SLC20A2: variants seen among roughly 807,000 people sequenced by gnomAD.
SLC20A2 encodes the protein sodium-dependent phosphate transporter 2.
A neutral mutation model predicts 61.0 loss-of-function variants in SLC20A2; 30 were observed. The ratio of observed to expected loss-of-function variants is 0.49; its 90% CI spans 0.37 to 0.67. The LOEUF (loss-of-function observed/expected upper bound fraction) is 0.67, where lower values mean the gene tolerates loss of function less well. Among genes scored for constraint, SLC20A2 ranks in the 30% least tolerant of loss-of-function variants. The pLI, the probability that SLC20A2 is intolerant of heterozygous loss-of-function variation, is 0.00. For synonymous variants in SLC20A2, 351 were observed against 353.3 expected, an observed-to-expected ratio of 0.99 and a Z score of 0.07; for missense variants, 626 against 866.4, an observed-to-expected ratio of 0.72 and a Z score of 3.48.
intron 1 of SLC20A2, among the ~76,000 whole-genome samples, chr8:42,506,836 T>C (rs4568607): frequency 0.51 from 78,263 of 152,046 alleles, 20,208 homozygotes; most frequent in Admixed American, 0.57. Flanking sequence ...AGTCCCTTCC[T>C]GCACTGACTC....
intron 1 of SLC20A2, among the ~76,000 whole-genome samples, chr8:42,478,554 C>T (rs145987208): frequency 1.8e-3 from 267 of 152,180 alleles, no homozygotes; most frequent in African/African-American, 6.2e-3. Flanking sequence ...ACTTGCCACA[C>T]GACCCAGCAG....
At chr8:42,431,325 C>T (rs191391050) in intron 8 of SLC20A2, among the ~76,000 whole-genome samples, 25 of 151,826 alleles carry the variant, frequency 1.6e-4, no homozygotes, top group African/African-American at 3.4e-4. Flanking sequence ...TCAAACCAGC[C>T]ACAACATTCC....
At position 42,472,301 on chromosome 8, in the gene SLC20A2, G is replaced by A; in HGVS notation, c.90C>T (p.Ala30=). Residue 30 remains alanine, a synonymous_variant, in exon 2 of 11, where the codon GCC becomes GCT. Coordinates refer to ENST00000520262, the MANE Select transcript of SLC20A2 (RefSeq NM_001257180.2). The surrounding 1 kb of genome is among the most constrained non-coding windows in gnomAD (Gnocchi z 4.1). The part of the protein sequence containing the change: ...LAFSVGANDV[A]NSFGTAVGSG... ...AGCCCACGGCTGTACCAAAGGAGTT[G>A]GCAACATCGTTTGCACCAACAGAAA... 1.2e-6 allele frequency: 2 copies of A among 1,614,150 alleles called. No homozygotes were observed. Among genetic ancestry groups the A allele is most frequent in the Non-Finnish European group, 1.7e-6 (2 of 1,180,032 alleles).
At chr8:42,423,026 T>C (rs1023476527) in intron 10 of SLC20A2, among the ~76,000 whole-genome samples, 1 of 152,200 alleles carries the variant, frequency 6.6e-6, no homozygotes, top group Non-Finnish European at 1.5e-5. Context: ...AATCCTAATT[T>C]TAATACTTGG....
rs1029571085 is a variant in SLC20A2 at position 42,494,518 on chromosome 8, C to A, written c.-265+6513G>T. On this transcript the variant is annotated intron_variant, in intron 1 of 10. Coordinates refer to ENST00000520262, the MANE Select transcript of SLC20A2 (RefSeq NM_001257180.2). ...TATTGCTCATAATAAATGCAGCATT[C>A]TTTTCTCAGGTACATACATAGGTGT... is the stretch of plus-strand genomic sequence containing the variant. Among the ~76,000 whole-genome samples, 6 of 152,184 alleles carry A rather than the reference C, an allele frequency of 3.9e-5. No homozygotes were observed. The East Asian group carries it at 5.8e-4, about 15-fold the overall frequency.
chr8:42,457,015 C>CTGGGTT (rs1806268068), intron 5 of SLC20A2, among the ~76,000 whole-genome samples: 1 of 151,890 alleles, frequency 6.6e-6, no homozygotes, highest in Non-Finnish European at 1.5e-5. Flanking sequence ...TCTCCACCTC[C>CTGGGTT]CAGGTTCAAG....
intron 1 of SLC20A2, among the ~76,000 whole-genome samples, chr8:42,518,099 C>A (rs995678356): frequency 3.3e-5 from 5 of 152,160 alleles, no homozygotes; most frequent in Non-Finnish European, 5.9e-5. Context: ...TGCCACCACG[C>A]CCAGCTAATT....
chr8:42,491,237 G>A (rs905301963), intron 1 of SLC20A2, among the ~76,000 whole-genome samples: 1 of 151,974 alleles, frequency 6.6e-6, no homozygotes. Flanking sequence ...AAAATTGGCC[G>A]GGTATGGTGA....
chr8:42,444,820 C>CA lies in SLC20A2; in HGVS notation c.614-59dup. On this transcript the variant is annotated intron_variant, in intron 5 of 10. Coordinates refer to ENST00000520262, the MANE Select transcript of SLC20A2 (RefSeq NM_001257180.2). The stretch of plus-strand genomic sequence containing the variant: ...TGGAAACTTCTGCAAGGTCAGGCCT[C>CA]AGGGCGGTGGACTTCCCACTCCCCA... 2.3e-6 allele frequency: 3 copies of CA among 1,324,590 alleles called. No individual in the cohort carries two copies. In the South Asian group the frequency reaches 3.6e-5, roughly 16 times the overall value. 82.1% of individuals were successfully genotyped at this position (1,324,590 alleles called of 1,614,324 possible).
chr8:42,522,313 A>G lies in SLC20A2; in HGVS notation c.-265+19508T>C, dbSNP rs1811642745. Reference sequence around the variant, plus strand: ...GATGGAGAAGACAAGAAATTCATTCAACTTCAGCTGGTAAATAGCCAAGGT... The same window carrying G: ...GATGGAGAAGACAAGAAATTCATTCGACTTCAGCTGGTAAATAGCCAAGGT... On this transcript the variant is annotated intron_variant, in intron 1 of 10. Transcript: ENST00000342228. Among the ~76,000 whole-genome samples, 2 of 122,220 alleles carry G rather than the reference A, an allele frequency of 1.6e-5. 1 individual carries two copies. The highest frequency in any genetic ancestry group is 3.9e-5 in the Non-Finnish European group (2 of 50,784). The allele number at this position is 122,220 out of a possible 152,430, so 80.2% of individuals were successfully genotyped here.
intron 1 of SLC20A2, among the ~76,000 whole-genome samples, chr8:42,499,699 AG>A (rs1270234335): frequency 1.3e-5 from 2 of 152,232 alleles, no homozygotes; most frequent in African/African-American, 4.8e-5. Flanking sequence ...ATTAGAAGTA[AG>A]AAGTAATAGC....
chr8:42,492,962 T>A lies in SLC20A2; in HGVS notation c.-265+8069A>T, dbSNP rs189437335. ...TCCCAAAGTGCTGGGATTACAGGCG[T>A]GAGCCACCACGCCCAGCCTTGGTTT... is the stretch of plus-strand genomic sequence containing the variant. On this transcript the variant is annotated intron_variant, in intron 1 of 10. Transcript: ENST00000520262. Among the ~76,000 whole-genome samples, 31 of 152,326 alleles carry A rather than the reference T, an allele frequency of 2.0e-4. 1 individual carries two copies. Among genetic ancestry groups the A allele is most frequent in the African/African-American group, 7.5e-4 (31 of 41,564 alleles).
At chr8:42,456,731 C>CAA (rs986357542) in intron 5 of SLC20A2, among the ~76,000 whole-genome samples, 7 of 58,552 alleles carry the variant, frequency 1.2e-4, no homozygotes, top group African/African-American at 4.1e-4. Flanking sequence ...GACTCTGTCT[C>CAA]AAAAAAAAAA....
At chr8:42,499,808 T>C (rs547329280) in intron 1 of SLC20A2, among the ~76,000 whole-genome samples, 1 of 152,260 alleles carries the variant, frequency 6.6e-6, no homozygotes, top group South Asian at 2.1e-4. Context: ...GCTTCTGTTA[T>C]CATTATAATT....
At chr8:42,473,591 C>G (rs1279144605) in intron 1 of SLC20A2, among the ~76,000 whole-genome samples, 3 of 152,200 alleles carry the variant, frequency 2.0e-5, no homozygotes, top group South Asian at 2.1e-4. Context: ...AGCCCCTCCC[C>G]CATGCCACTG....
At chr8:42,435,409 G>A (rs1461635696) in intron 8 of SLC20A2, among the ~76,000 whole-genome samples, 1 of 152,194 alleles carries the variant, frequency 6.6e-6, no homozygotes, top group Non-Finnish European at 1.5e-5. Flanking sequence ...AACCGAGCGA[G>A]TGGGGAGCAC....
intron 1 of SLC20A2, among the ~76,000 whole-genome samples, chr8:42,529,502 T>G (rs1304890157): frequency 7.0e-6 from 1 of 142,408 alleles, no homozygotes; most frequent in African/African-American, 2.7e-5. Context: ...TGAGGCTCCA[T>G]AATGGAAACT....
chr8:42,471,172 A>T (rs1457798716), intron 2 of SLC20A2: 1 of 456,246 alleles, frequency 2.2e-6, no homozygotes. Context: ...ACCCGTATAC[A>T]TCAGCTGTCT....
At position 42,493,124 on chromosome 8, in the gene SLC20A2, A is replaced by G. The variant is rs563879598; in HGVS notation, c.-265+7907T>C. Among the ~76,000 whole-genome samples, 26 of 152,318 alleles carry G rather than the reference A, an allele frequency of 1.7e-4. 1 individual carries two copies. The South Asian group carries it at 4.8e-3, about 28-fold the overall frequency. On this transcript the variant is annotated intron_variant, in intron 1 of 10. Coordinates refer to ENST00000520262, the MANE Select transcript of SLC20A2 (RefSeq NM_001257180.2). ...AGGCTTAGGAGAGACTCTCTCAATG[A>G]CCATCAAAAGTACTTATTCTCATGT...
Sources: gnomAD v4.1 joint callset for allele counts (sites outside exome capture counted in the v4.1 genomes callset) on GRCh38, gnomAD v4.1.1 for gene constraint, Gnocchi (gnomAD v3.1) non-coding constraint, MANE v1.5 for transcripts, NCBI Gene and HGNC (gene_info 2026-07-23, HGNC 2026-07-21) for gene names.